Variants in C8orf34 observed in about 807,000 individuals in gnomAD.
C8orf34 encodes chromosome 8 open reading frame 34, also known as uncharacterized protein C8orf34.
A neutral mutation model predicts 68.3 loss-of-function variants in C8orf34; 65 were observed. The ratio of observed to expected loss-of-function variants is 0.95; its 90% CI spans 0.78 to 1.17. The LOEUF (loss-of-function observed/expected upper bound fraction) is 1.17. C8orf34 is among the 50% of genes most tolerant of loss of function. The pLI, the probability that C8orf34 is intolerant of heterozygous loss-of-function variation, is 0.00. For synonymous variants in C8orf34, 244 were observed against 241.2 expected (o/e 1.01, Z -0.11); for missense variants, 664 against 655.4 (o/e 1.01, Z -0.14).
intron 3 of C8orf34, among the ~76,000 whole-genome samples, chr8:68,459,965 C>T (rs902089606): frequency 6.6e-6 from 1 of 152,136 alleles, no homozygotes; most frequent in Non-Finnish European, 1.5e-5. Context: ...GTGCACTATG[C>T]GCGAGCCGAA....
At chr8:68,734,388 C>T (rs181607877) in intron 10 of C8orf34, among the ~76,000 whole-genome samples, 1 of 152,264 alleles carries the variant, frequency 6.6e-6, no homozygotes, top group Admixed American at 6.5e-5. Context: ...CCTGTATGTT[C>T]CTGTGGCCCC....
intron 1 of C8orf34, among the ~76,000 whole-genome samples, chr8:68,378,484 C>T (rs1223298840): frequency 2.0e-5 from 3 of 151,980 alleles, no homozygotes; most frequent in Non-Finnish European, 2.9e-5. Flanking sequence ...TATGGGGTGT[C>T]GACATGTTGC....
At chr8:68,409,681 T>G (rs1809359828) in intron 1 of C8orf34, among the ~76,000 whole-genome samples, 1 of 152,002 alleles carries the variant, frequency 6.6e-6, no homozygotes, top group Admixed American at 6.6e-5. Flanking sequence ...ATAGCCTAAA[T>G]GTACAGTGTT....
chr8:68,724,145 T>G (rs771416286), intron 10 of C8orf34, among the ~76,000 whole-genome samples: 8 of 152,162 alleles, frequency 5.3e-5, no homozygotes, highest in Non-Finnish European at 1.2e-4. Context: ...TAAAAGTTAA[T>G]TTTGTTAAAA....
chr8:68,741,622 C>G (rs75063129), intron 10 of C8orf34, among the ~76,000 whole-genome samples: 2 of 152,230 alleles, frequency 1.3e-5, no homozygotes, highest in African/African-American at 2.4e-5. Context: ...CCACCCCATA[C>G]TAACTTTCCT....
At chr8:68,553,852 A>C (rs1816165520) in intron 7 of C8orf34, among the ~76,000 whole-genome samples, 1 of 146,056 alleles carries the variant, frequency 6.8e-6, no homozygotes, top group Non-Finnish European at 1.5e-5. Context: ...AGTAATAAAT[A>C]TGTTTATTCT....
At chr8:68,619,970 A>C (rs1818340987) in intron 7 of C8orf34, among the ~76,000 whole-genome samples, 1 of 152,160 alleles carries the variant, frequency 6.6e-6, no homozygotes, top group Non-Finnish European at 1.5e-5. Flanking sequence ...GTATAGAAAT[A>C]GTCAGAGTGA....
Position 68,581,330 on chromosome 8 carries a change from G to C in C8orf34, c.1105+48181G>C, listed in dbSNP as rs572964612. On this transcript the variant is annotated intron_variant, in intron 7 of 13. Coordinates refer to ENST00000518698, the MANE Select transcript of C8orf34 (RefSeq NM_052958.4). The stretch of plus-strand genomic sequence containing the variant: ...TCCATGTGTCTTTAGAAATAAAGAT[G>C]TTCCTTTCTTCTGGGTACTGGGAGG... Among the ~76,000 whole-genome samples, 3 of 152,174 alleles carry C rather than the reference G, an allele frequency of 2.0e-5. No homozygotes were observed. In the South Asian group the frequency reaches 6.2e-4, roughly 32 times the overall value.
chr8:68,397,498 T>TTA (rs1328246232), intron 1 of C8orf34, among the ~76,000 whole-genome samples: 1 of 152,178 alleles, frequency 6.6e-6, no homozygotes, highest in Non-Finnish European at 1.5e-5. Context: ...GAAATCTATA[T>TTA]GAGTATATAT....
intron 4 of C8orf34, among the ~76,000 whole-genome samples, chr8:68,479,334 A>AT (rs1371379738): frequency 4.0e-5 from 6 of 151,120 alleles, no homozygotes; most frequent in African/African-American, 9.8e-5. Context: ...GAAATTTGGA[A>AT]TTTTTTCATC....
chr8:68,604,711 A>G (rs1042651132), intron 7 of C8orf34, among the ~76,000 whole-genome samples: 3 of 152,100 alleles, frequency 2.0e-5, no homozygotes, highest in African/African-American at 7.2e-5. Flanking sequence ...AATTAATTCA[A>G]AATGGGTCAG....
chr8:68,477,160 C>G (rs1311654935), intron 4 of C8orf34, among the ~76,000 whole-genome samples: 1 of 152,122 alleles, frequency 6.6e-6, no homozygotes, highest in Non-Finnish European at 1.5e-5. Context: ...GATCACATGT[C>G]ATATTATTGG....
chr8:68,464,025 T>C (rs1811984666), intron 3 of C8orf34, among the ~76,000 whole-genome samples: 1 of 152,114 alleles, frequency 6.6e-6, no homozygotes, highest in African/African-American at 2.4e-5. Context: ...GATGACATGA[T>C]TGTATATCTA....
At chr8:68,413,155 ATTC>A (rs1490935341) in intron 1 of C8orf34, among the ~76,000 whole-genome samples, 5 of 152,172 alleles carry the variant, frequency 3.3e-5, no homozygotes, top group Non-Finnish European at 7.4e-5. Flanking sequence ...CAATCATCAG[ATTC>A]TTAGTTCAAT....
At chr8:68,456,396 G>A (rs370689179) in intron 3 of C8orf34, among the ~76,000 whole-genome samples, 39 of 152,310 alleles carry the variant, frequency 2.6e-4, no homozygotes, top group African/African-American at 8.9e-4. Context: ...CTTCAGTGCA[G>A]AGTGTTTTGT....
At chr8:68,336,451 G>A (rs1376461601) in intron 1 of C8orf34, among the ~76,000 whole-genome samples, 3 of 152,130 alleles carry the variant, frequency 2.0e-5, no homozygotes, top group Non-Finnish European at 4.4e-5. Context: ...CTTACTGATG[G>A]ACATAGGAGT....
chr8:68,611,000 T>A (rs1302629516), intron 7 of C8orf34, among the ~76,000 whole-genome samples: 2 of 151,824 alleles, frequency 1.3e-5, no homozygotes, highest in African/African-American at 2.4e-5. Flanking sequence ...AAGTAGCTGG[T>A]AATATAGGCA....
chr8:68,748,080 C>T (rs1266012638), intron 10 of C8orf34, among the ~76,000 whole-genome samples: 7 of 145,542 alleles, frequency 4.8e-5, no homozygotes, highest in South Asian at 2.2e-4. Flanking sequence ...GAAATAACAC[C>T]GCATATCTAC....
intron 4 of C8orf34, among the ~76,000 whole-genome samples, chr8:68,484,015 A>C (rs889937599): frequency 6.6e-6 from 1 of 152,194 alleles, no homozygotes; most frequent in Admixed American, 6.5e-5. Context: ...AATTTATAAG[A>C]AAGGGGGTTT....
Sources: allele counts gnomAD v4.1 joint callset (sites outside exome capture counted in the v4.1 genomes callset), GRCh38; gene constraint gnomAD v4.1.1; transcripts MANE v1.5; gene names NCBI Gene and HGNC (gene_info 2026-07-23, HGNC 2026-07-21).